Variants in VAPA observed in about 807,000 individuals in gnomAD.
VAPA encodes the protein vesicle-associated membrane protein-associated protein A.
VAPA carries 6 observed loss-of-function variants against 25.6 expected under a neutral mutation model. The observed-to-expected ratio is 0.23, with a 90% confidence interval of 0.13 to 0.46. The LOEUF is 0.46. Among genes scored for constraint, VAPA ranks in the 20% least tolerant of loss-of-function variants. The pLI is 0.99. For missense variants in VAPA, 244 were observed against 302.1 expected, an observed-to-expected ratio of 0.81 and a Z score of 1.43; for synonymous variants, 112 against 106.2, an observed-to-expected ratio of 1.05 and a Z score of -0.34.
intron 5 of VAPA, among the ~76,000 whole-genome samples, chr18:9,953,324 A>G (rs920275367): frequency 6.6e-6 from 1 of 152,184 alleles, no homozygotes; most frequent in African/African-American, 2.4e-5. Flanking sequence ...AGGGTTTCCT[A>G]TGTACATTTC....
chr18:9,959,425 A>AT lies in VAPA; in HGVS notation c.*5216dup, dbSNP rs1301081089. The AT allele has an allele frequency of 6.6e-6, 1 of 152,206 alleles. No homozygotes were observed. The highest frequency in any genetic ancestry group is 2.4e-5 in the African/African-American group (1 of 41,454). The allele number at this position is 152,206 out of a possible 1,614,324, so 9.4% of individuals were successfully genotyped here. ...GTCCGTGAACAAAACCAACATGAACATTCCTAAACAAGAGTGTGTGTTACT... is the reference window on the plus strand; with the variant it reads ...GTCCGTGAACAAAACCAACATGAACATTTCCTAAACAAGAGTGTGTGTTACT... On this transcript the variant is annotated 3_prime_UTR_variant, in exon 6 of 6. Coordinates refer to ENST00000400000, the MANE Select transcript of VAPA (RefSeq NM_194434.3).
intron 3 of VAPA, 139 bp from the exon 4 acceptor site, chr18:9,936,847 G>T (rs776170586): frequency 1.3e-5 from 8 of 612,958 alleles, no homozygotes; most frequent in African/African-American, 3.7e-5. Context: ...AACAATGGCA[G>T]GGTGATCAAT....
intron 4 of VAPA, among the ~76,000 whole-genome samples, chr18:9,946,388 G>T (rs1210477386): frequency 6.6e-6 from 1 of 151,966 alleles, no homozygotes; most frequent in African/African-American, 2.4e-5. Flanking sequence ...GCAGCCTGCG[G>T]CCCACACGTG....
chr18:9,917,589 C>T (rs1051100554), intron 1 of VAPA, among the ~76,000 whole-genome samples: 2 of 152,150 alleles, frequency 1.3e-5, no homozygotes, highest in African/African-American at 4.8e-5. Context: ...CCCCTATTAG[C>T]AGTTTTGTAG....
chr18:9,951,936 G>A (rs2069494325), intron 5 of VAPA, among the ~76,000 whole-genome samples: 1 of 152,212 alleles, frequency 6.6e-6, no homozygotes, highest in Admixed American at 6.5e-5. Flanking sequence ...GTAGCGGAAA[G>A]AATATCTTTA....
chr18:9,920,248 C>T (rs1380668660), intron 1 of VAPA, among the ~76,000 whole-genome samples: 1 of 152,096 alleles, frequency 6.6e-6, no homozygotes, highest in Non-Finnish European at 1.5e-5. Flanking sequence ...AATTTCCTTA[C>T]TTCAGGTCCT....
In VAPA at chr18:9,914,100, C is replaced by A; in HGVS notation, c.-157C>A. 1 of 569,026 alleles carries A rather than the reference C, an allele frequency of 1.8e-6. No individual in the cohort carries two copies. Among genetic ancestry groups the A allele is most frequent in the Non-Finnish European group, 3.0e-6 (1 of 334,814 alleles). The allele number at this position is 569,026 out of a possible 1,614,324, so 35.2% of individuals were successfully genotyped here. ...CCGGAGCTGCTGACCCAGCGGGTGG[C>A]CCACCGAACCGGTGACACAGCGGCA... On this transcript the variant is annotated 5_prime_UTR_variant, in exon 1 of 6. Transcript: ENST00000400000.
chr18:9,939,741 G>C (rs528441757), intron 4 of VAPA, among the ~76,000 whole-genome samples: 5 of 152,082 alleles, frequency 3.3e-5, no homozygotes, highest in African/African-American at 1.2e-4. Flanking sequence ...AAACATTTTT[G>C]GTTTTCACAA....
Position 9,936,717 on chromosome 18 carries a change from C to G in VAPA, c.337-269C>G, listed in dbSNP as rs200035645. ...AGCCTGGGAAACAGAATGAGACCAA[C>G]TGGAAAAAAAGAAAGAAATGCTAAG... On this transcript the variant is annotated intron_variant, in intron 3 of 5. Coordinates refer to ENST00000400000, the MANE Select transcript of VAPA (RefSeq NM_194434.3). The G allele has an allele frequency of 4.2e-5, 3 of 71,960 alleles. No individual in the cohort carries two copies. In the African/African-American group the frequency reaches 6.4e-4, roughly 15 times the overall value. 4.5% of individuals were successfully genotyped at this position (71,960 alleles called of 1,614,324 possible).
chr18:9,928,218 G>C (rs2069218567), intron 1 of VAPA, among the ~76,000 whole-genome samples: 2 of 152,026 alleles, frequency 1.3e-5, no homozygotes, highest in South Asian at 4.1e-4. Flanking sequence ...TGCATCAGAT[G>C]TTCACTTTGT....
At chr18:9,914,651 C>T (rs1346714306) in intron 1 of VAPA, 1 of 150,420 alleles carries the variant, frequency 6.6e-6, no homozygotes, top group Non-Finnish European at 1.5e-5. Flanking sequence ...CCTGGGCGTC[C>T]GGTCCCGCCC....
intron 1 of VAPA, among the ~76,000 whole-genome samples, chr18:9,918,192 G>A (rs1017455442): frequency 3.9e-5 from 6 of 152,134 alleles, no homozygotes; most frequent in African/African-American, 1.4e-4. Context: ...TGTTCCATGA[G>A]ATGTTTTCCT....
chr18:9,940,689 G>A (rs1460731046), intron 4 of VAPA, among the ~76,000 whole-genome samples: 1 of 152,152 alleles, frequency 6.6e-6, no homozygotes, highest in Non-Finnish European at 1.5e-5. Context: ...ACCAGCTGAA[G>A]TGGTGTTTCA....
intron 4 of VAPA, chr18:9,948,402 G>C (rs1386429556): frequency 6.6e-6 from 1 of 152,114 alleles, no homozygotes; most frequent in Non-Finnish European, 1.5e-5. Context: ...TTTAATAATA[G>C]TAATATAAAT....
intron 4 of VAPA, among the ~76,000 whole-genome samples, chr18:9,939,284 G>A (rs1349027240): frequency 3.3e-5 from 5 of 151,076 alleles, no homozygotes; most frequent in African/African-American, 1.2e-4. Context: ...CAGTTCTCCT[G>A]CCTCAGCCTC....
In VAPA at chr18:9,914,185, CCGCCGT is replaced by C; in HGVS notation, c.-69_-64del. 8 of 1,404,892 alleles carry C rather than the reference CCGCCGT, an allele frequency of 5.7e-6. No homozygotes were observed. In the South Asian group the frequency reaches 8.9e-5, roughly 16 times the overall value. The allele number at this position is 1,404,892 out of a possible 1,614,324, so 87.0% of individuals were successfully genotyped here. A position where few individuals can be genotyped will look rare whatever the true frequency, so the allele number is the denominator to read the frequency against. On this transcript the variant is annotated 5_prime_UTR_variant, in exon 1 of 6. Coordinates refer to ENST00000400000, the MANE Select transcript of VAPA (RefSeq NM_194434.3). ...GTCCTAGAGCTCGGCCGAGCCGTCG[CCGCCGT>C]CGTCCCCCGCCCCCAGTCAGCAAAC...
At chr18:9,948,733 A>G (rs1275401778) in intron 4 of VAPA, 1 of 152,280 alleles carries the variant, frequency 6.6e-6, no homozygotes, top group African/African-American at 2.4e-5. Flanking sequence ...GCTAATTTCT[A>G]AAATTGTTTT....
Position 9,954,389 on chromosome 18 carries a change from C to A in VAPA, c.*178C>A. ...GGTTAGAAAACACAATAAAAACAAA[C>A]TGTTCGGCTACTGGACAGGTTGTAT... On this transcript the variant is annotated 3_prime_UTR_variant, in exon 6 of 6. Coordinates refer to ENST00000400000, the MANE Select transcript of VAPA (RefSeq NM_194434.3). 1.7e-6 allele frequency: 1 copy of A among 583,776 alleles called. No homozygotes were observed. Among genetic ancestry groups the A allele is most frequent in the Non-Finnish European group, 3.0e-6 (1 of 338,002 alleles). 36.2% of individuals were successfully genotyped at this position (583,776 alleles called of 1,614,324 possible).
intron 1 of VAPA, among the ~76,000 whole-genome samples, chr18:9,924,395 G>A (rs1336765671): frequency 2.0e-5 from 3 of 152,088 alleles, no homozygotes; most frequent in Admixed American, 1.3e-4. Context: ...AATAATTTAC[G>A]TATGTGTACA....
Sources: gnomAD v4.1 joint callset for allele counts (sites outside exome capture counted in the v4.1 genomes callset) on GRCh38, gnomAD v4.1.1 for gene constraint, MANE v1.5 for transcripts, NCBI Gene and HGNC (gene_info 2026-07-23, HGNC 2026-07-21) for gene names.